SPOCK1: variants seen among roughly 807,000 people sequenced by gnomAD.
SPOCK1 encodes SPARC (osteonectin), cwcv and kazal like domains proteoglycan 1, also known as testican-1.
Under a neutral mutation model 55.3 loss-of-function variants are expected in SPOCK1, and 23 were observed. That is an observed-to-expected ratio of 0.42 (90% CI 0.30 to 0.59). The LOEUF (loss-of-function observed/expected upper bound fraction) is 0.59. Ranked by LOEUF, SPOCK1 falls within the 20% of genes least tolerant of loss-of-function variation. The pLI, the probability that SPOCK1 is intolerant of heterozygous loss-of-function variation, is 0.22. For missense variants in SPOCK1, 499 were observed against 552.5 expected (o/e 0.90, Z 0.97); for synonymous variants, 226 against 221.0 (o/e 1.02, Z -0.20).
intron 6 of SPOCK1, among the ~76,000 whole-genome samples, chr5:137,040,387 G>C (rs1751972464): frequency 6.6e-6 from 1 of 152,200 alleles, no homozygotes; most frequent in Non-Finnish European, 1.5e-5. Context: ...TCATCACAAA[G>C]CATGCATAGG....
intron 3 of SPOCK1, among the ~76,000 whole-genome samples, chr5:137,183,141 TC>T (rs1327959445): frequency 6.6e-6 from 1 of 152,098 alleles, no homozygotes; most frequent in Non-Finnish European, 1.5e-5. Context: ...CAAGCATCCA[TC>T]AATCTCATTA....
rs533006403 is a variant in SPOCK1, at chr5:137,375,898, G to C, written c.187-108843C>G. 6.6e-5 allele frequency among the ~76,000 whole-genome samples: 10 copies of C among 152,294 alleles called. No homozygotes were observed. In the East Asian group the frequency reaches 1.2e-3, roughly 18 times the overall value. Reference sequence around the variant, plus strand: ...AGCTTGATTCTCAGAAGATGTGTCTGCAGAGAACAAAGTCCACGCCTGCCA... The same window carrying C: ...AGCTTGATTCTCAGAAGATGTGTCTCCAGAGAACAAAGTCCACGCCTGCCA... On this transcript the variant is annotated intron_variant, in intron 2 of 10. Transcript: ENST00000394945.
intron 2 of SPOCK1, among the ~76,000 whole-genome samples, chr5:137,333,172 A>G (rs1758218510): frequency 6.6e-6 from 1 of 152,246 alleles, no homozygotes; most frequent in South Asian, 2.1e-4. Context: ...CCCACCAGGC[A>G]AAAGGGCCTA....
chr5:137,282,681 C>T (rs1446087265), intron 2 of SPOCK1, among the ~76,000 whole-genome samples: 1 of 152,218 alleles, frequency 6.6e-6, no homozygotes, highest in Non-Finnish European at 1.5e-5. Flanking sequence ...GACTCTCCAA[C>T]ATCATTTGGG....
intron 3 of SPOCK1, among the ~76,000 whole-genome samples, chr5:137,235,082 C>T (rs976327678): frequency 6.6e-6 from 1 of 152,174 alleles, no homozygotes; most frequent in African/African-American, 2.4e-5. Flanking sequence ...ACCTGGGGAC[C>T]AGACATTTGG....
chr5:137,356,873 A>AGAGAGT (rs796667572), intron 2 of SPOCK1, among the ~76,000 whole-genome samples: 1,112 of 69,544 alleles, frequency 0.016, 84 homozygotes, highest in East Asian at 0.048. Context: ...AGAGAGAGAG[A>AGAGAGT]GAGTATGCAG....
intron 5 of SPOCK1, among the ~76,000 whole-genome samples, chr5:137,069,861 CTTTG>C (rs1260600042): frequency 6.6e-6 from 1 of 152,102 alleles, no homozygotes; most frequent in Non-Finnish European, 1.5e-5. Flanking sequence ...AAATTATTAC[CTTTG>C]TTTATCATAA....
At chr5:137,427,667 T>C (rs1305987989) in intron 2 of SPOCK1, among the ~76,000 whole-genome samples, 2 of 152,232 alleles carry the variant, frequency 1.3e-5, no homozygotes, top group African/African-American at 4.8e-5. Context: ...CCCAGCACTT[T>C]GGGAGGCTGA....
chr5:137,476,036 T>C (rs866515183), intron 2 of SPOCK1, among the ~76,000 whole-genome samples: 1 of 19,028 alleles, frequency 5.3e-5, no homozygotes, highest in African/African-American at 3.7e-4. Context: ...AATTATAGGT[T>C]TTTTTTTTTT....
chr5:137,042,815 A>G (rs1378457556), intron 6 of SPOCK1, among the ~76,000 whole-genome samples: 2 of 152,136 alleles, frequency 1.3e-5, no homozygotes, highest in African/African-American at 2.4e-5. Flanking sequence ...CTTAATATAG[A>G]TACATATAGA....
chr5:137,492,774 T>C (rs1335066768), intron 2 of SPOCK1, among the ~76,000 whole-genome samples: 1 of 152,222 alleles, frequency 6.6e-6, no homozygotes, highest in Admixed American at 6.5e-5. Context: ...GCTTGGACCA[T>C]GTCTTTTCTC....
chr5:136,984,094 C>A (rs1167647819), intron 9 of SPOCK1, among the ~76,000 whole-genome samples: 2 of 152,150 alleles, frequency 1.3e-5, no homozygotes, highest in Non-Finnish European at 2.9e-5. Context: ...GGGATCCAGC[C>A]ACTTTGCCTT....
At chr5:137,469,115 C>G (rs1242908943) in intron 2 of SPOCK1, among the ~76,000 whole-genome samples, 1 of 152,220 alleles carries the variant, frequency 6.6e-6, no homozygotes, top group Non-Finnish European at 1.5e-5. Context: ...CCAGCATCAA[C>G]TAATTAACTC....
At chr5:137,140,468 C>T in intron 4 of SPOCK1, 112 bp downstream of exon 4, 1 of 818,764 alleles carries the variant, frequency 1.2e-6, no homozygotes, top group Non-Finnish European at 1.9e-6. Flanking sequence ...AAATGGCGAC[C>T]CTAACACTAT....
chr5:137,335,386 T>G (rs1306862281), intron 2 of SPOCK1, among the ~76,000 whole-genome samples: 2 of 152,224 alleles, frequency 1.3e-5, no homozygotes, highest in Non-Finnish European at 2.9e-5. Flanking sequence ...TTATAGTAAT[T>G]GTTCTTTATG....
intron 2 of SPOCK1, among the ~76,000 whole-genome samples, chr5:137,435,208 A>G (rs566008431): frequency 2.0e-5 from 3 of 152,320 alleles, no homozygotes; most frequent in African/African-American, 7.2e-5. Flanking sequence ...ACTTTCATCA[A>G]TAAACTGACT....
intron 3 of SPOCK1, among the ~76,000 whole-genome samples, chr5:137,211,021 G>A (rs1755603859): frequency 6.6e-6 from 1 of 152,198 alleles, no homozygotes; most frequent in Non-Finnish European, 1.5e-5. Context: ...GCAGCAGAGA[G>A]ACAAGCTGGG....
intron 3 of SPOCK1, among the ~76,000 whole-genome samples, chr5:137,260,481 G>A (rs1053156510): frequency 2.0e-5 from 3 of 152,148 alleles, no homozygotes; most frequent in African/African-American, 7.2e-5. Context: ...ATGTAACATT[G>A]CCTGTATACA....
At chr5:137,126,553 A>T (rs1438747174) in intron 4 of SPOCK1, among the ~76,000 whole-genome samples, 1 of 152,208 alleles carries the variant, frequency 6.6e-6, no homozygotes, top group Non-Finnish European at 1.5e-5. Context: ...ACCTGAGGTC[A>T]GGAGTTCGAG....
Sources: allele counts gnomAD v4.1 joint callset (sites outside exome capture counted in the v4.1 genomes callset), GRCh38; gene constraint gnomAD v4.1.1; transcripts MANE v1.5; gene names NCBI Gene and HGNC (gene_info 2026-07-23, HGNC 2026-07-21).